Variants in NRIP2 observed in about 807,000 individuals in gnomAD.
NRIP2 encodes the protein nuclear receptor-interacting protein 2.
NRIP2 carries 27 observed loss-of-function variants against 34.1 expected under a neutral mutation model. The ratio of observed to expected loss-of-function variants is 0.79; its 90% CI spans 0.58 to 1.09. NRIP2 has a LOEUF of 1.09. NRIP2 is among the 50% of genes least tolerant of loss of function. The probability of loss-of-function intolerance (pLI) is 0.00; values close to 1 mark genes in which losing one functional copy is unlikely to be tolerated. For missense variants in NRIP2, 385 were observed against 352.6 expected (o/e 1.09, Z -0.74); for synonymous variants, 145 against 146.9 (o/e 0.99, Z 0.09).
At chr12:2,833,996 C>T (rs922493559) in intron 1 of NRIP2, among the ~76,000 whole-genome samples, 6 of 152,182 alleles carry the variant, frequency 3.9e-5, no homozygotes, top group African/African-American at 7.2e-5. Flanking sequence ...TGCAGTTTTC[C>T]GCCGCCCACT....
chr12:2,833,781 T>G (rs1310438574), intron 1 of NRIP2, among the ~76,000 whole-genome samples: 1 of 152,216 alleles, frequency 6.6e-6, no homozygotes, highest in African/African-American at 2.4e-5. Context: ...CTGTTCTAAG[T>G]GCTTTAAATA....
chr12:2,830,903 C>T (rs1172229556), intron 1 of NRIP2, 43 bp from the exon 2 acceptor site: 3 of 1,589,574 alleles, frequency 1.9e-6, no homozygotes, highest in Non-Finnish European at 2.6e-6. Flanking sequence ...GTTCTAAACC[C>T]AGGCATCCAG....
chr12:2,827,293 TGCA>T lies in NRIP2; in HGVS notation c.757_759del (p.Cys253del). ...CGCAGCACTCCGTGCTCCAGGTCGATGCAGCACTGCGGGGTGTAGAGCAGTCAT... is the reference window on the plus strand; with the variant it reads ...CGCAGCACTCCGTGCTCCAGGTCGATGCACTGCGGGGTGTAGAGCAGTCAT... On this transcript the variant is annotated inframe_deletion, in exon 6 of 6. Coordinates refer to ENST00000337508, the MANE Select transcript of NRIP2 (RefSeq NM_031474.3). The surrounding 1 kb of genome is among the most constrained non-coding windows in gnomAD (Gnocchi z 4.0). 1 of 1,613,696 alleles carries T rather than the reference TGCA, an allele frequency of 6.2e-7. No homozygotes were observed. Among genetic ancestry groups the T allele is most frequent in the Non-Finnish European group, 8.5e-7 (1 of 1,179,888 alleles).
At chr12:2,830,112 T>C (rs1327810534) in intron 2 of NRIP2, 2 of 151,846 alleles carry the variant, frequency 1.3e-5, no homozygotes, top group African/African-American at 4.8e-5. Context: ...AGGACGTGAG[T>C]AACATGCCTT....
chr12:2,830,544 G>T (rs1238675906), intron 2 of NRIP2, 164 bp downstream of exon 2: 17 of 650,062 alleles, frequency 2.6e-5, no homozygotes, highest in Non-Finnish European at 4.4e-5. Flanking sequence ...ATGGCTTGGG[G>T]CAGGGAGGAA....
Position 2,827,302 on chromosome 12 carries a change from G to A in NRIP2, c.754-3C>T, listed in dbSNP as rs1274303540. 6.2e-7 allele frequency: 1 copy of A among 1,612,968 alleles called. No individual in the cohort carries two copies. Among genetic ancestry groups the A allele is most frequent in the Non-Finnish European group, 8.5e-7 (1 of 1,179,668 alleles). The stretch of plus-strand genomic sequence containing the variant: ...CCGTGCTCCAGGTCGATGCAGCACT[G>A]CGGGGTGTAGAGCAGTCATGCCAGG... On this transcript the variant is annotated splice_polypyrimidine_tract_variant and splice_region_variant and intron_variant, in intron 5 of 5. Transcript: ENST00000337508. This position sits in a 1 kb window ranked among gnomAD's most constrained non-coding sequence, Gnocchi z 4.0.
chr12:2,834,990 G>C lies in NRIP2; in HGVS notation c.-7C>G. 6.4e-7 allele frequency: 1 copy of C among 1,552,836 alleles called. No individual in the cohort carries two copies. ...GAGGAAAAATAAATAACATGCAGGA[G>C]CAGCCGCGTCAGTCTCCAATTTCCC... On this transcript the variant is annotated 5_prime_UTR_variant, in exon 1 of 6. Coordinates refer to ENST00000337508, the MANE Select transcript of NRIP2 (RefSeq NM_031474.3).
intron 1 of NRIP2, 93 bp downstream of exon 1, chr12:2,834,549 G>A (rs564856085): frequency 6.7e-7 from 1 of 1,494,148 alleles, no homozygotes; most frequent in East Asian, 2.3e-5. Context: ...GAAAGCTGAG[G>A]GTCTGCACTT....
intron 1 of NRIP2, among the ~76,000 whole-genome samples, chr12:2,833,188 G>A (rs1297000599): frequency 2.0e-5 from 3 of 151,988 alleles, no homozygotes; most frequent in African/African-American, 4.8e-5. Context: ...ATTAGAAGGC[G>A]GGACCTGCCA....
In NRIP2 at chr12:2,834,243, C is replaced by A. The variant is rs78560096; in HGVS notation, c.342+399G>T. On this transcript the variant is annotated intron_variant, in intron 1 of 5. Transcript: ENST00000337508. ...GGACAAGTGGATAGACAGACCTGGTCTGGGGAACCTGTGGTTCGGGGGAAG... is the reference window on the plus strand; with the variant it reads ...GGACAAGTGGATAGACAGACCTGGTATGGGGAACCTGTGGTTCGGGGGAAG... Among the ~76,000 whole-genome samples the A allele has an allele frequency of 1.3e-3, 196 of 152,286 alleles. 1 individual carries two copies. In the East Asian group the frequency reaches 0.036, roughly 28 times the overall value.
intron 1 of NRIP2, among the ~76,000 whole-genome samples, chr12:2,833,750 G>T (rs1304131324): frequency 1.3e-5 from 2 of 152,278 alleles, no homozygotes; most frequent in East Asian, 3.9e-4. Flanking sequence ...ATAGCATTTA[G>T]ATAGTGCCTG....
At chr12:2,830,164 T>A (rs537425410) in intron 2 of NRIP2, 1 of 151,954 alleles carries the variant, frequency 6.6e-6, no homozygotes, top group Non-Finnish European at 1.5e-5. Flanking sequence ...ACTGGGGAAA[T>A]CAGAAAAGGT....
chr12:2,833,242 A>G (rs938694935), intron 1 of NRIP2, among the ~76,000 whole-genome samples: 30 of 152,224 alleles, frequency 2.0e-4, no homozygotes, highest in South Asian at 2.1e-4. Context: ...CCTGGGGCCA[A>G]ACACATGTAG....
At chr12:2,831,823 C>A (rs1287199017) in intron 1 of NRIP2, among the ~76,000 whole-genome samples, 3 of 152,018 alleles carry the variant, frequency 2.0e-5, no homozygotes, top group African/African-American at 7.2e-5. Flanking sequence ...ACTCTAATTC[C>A]TTGGCTCAAG....
intron 1 of NRIP2, among the ~76,000 whole-genome samples, chr12:2,832,034 G>A (rs1195928972): frequency 6.6e-6 from 1 of 152,012 alleles, no homozygotes; most frequent in East Asian, 1.9e-4. Context: ...CTTCAGCCTG[G>A]AAGCTAAAAA....
intron 1 of NRIP2, among the ~76,000 whole-genome samples, chr12:2,834,356 C>G (rs2098017700): frequency 6.6e-6 from 1 of 152,174 alleles, no homozygotes; most frequent in Admixed American, 6.5e-5. Flanking sequence ...TTCCTGTAAG[C>G]CCCCACTTCT....
At position 2,827,780 on chromosome 12, in the gene NRIP2, C is replaced by G. The variant is rs2097976071; in HGVS notation, c.701-103G>C. The G allele has an allele frequency of 8.7e-6, 14 of 1,606,412 alleles. No individual in the cohort carries two copies. The highest frequency in any genetic ancestry group is 2.2e-5 in the East Asian group (1 of 44,838). On this transcript the variant is annotated intron_variant, in intron 4 of 5. Coordinates refer to ENST00000337508, the MANE Select transcript of NRIP2 (RefSeq NM_031474.3). This position sits in a 1 kb window ranked among gnomAD's most constrained non-coding sequence, Gnocchi z 4.0. ...TTCTCTGCCCACCCCATCCCCAGAT[C>G]CGAGGACACTGGCACAGAGATGGGG...
At position 2,825,610 on chromosome 12, in the gene NRIP2, G is replaced by T. The variant is rs1234275359; in HGVS notation, c.*1597C>A. The T allele has an allele frequency of 6.5e-6, 1 of 153,104 alleles. No individual in the cohort carries two copies. The highest frequency in any genetic ancestry group is 1.5e-5 in the Non-Finnish European group (1 of 68,642). The allele number at this position is 153,104 out of a possible 1,614,324, so 9.5% of individuals were successfully genotyped here. On this transcript the variant is annotated 3_prime_UTR_variant, in exon 6 of 6. Coordinates refer to ENST00000337508, the MANE Select transcript of NRIP2 (RefSeq NM_031474.3). ...GGGAGGCAGCTGAGAAAGGGCAGGG[G>T]AGGCAGCTGAGAAAGGGCAGGCCAG... is the stretch of plus-strand genomic sequence containing the variant.
At chr12:2,833,375 T>C (rs182086997) in intron 1 of NRIP2, among the ~76,000 whole-genome samples, 346 of 152,140 alleles carry the variant, frequency 2.3e-3, no homozygotes, top group Admixed American at 3.6e-3. Context: ...GTTCCCTGAA[T>C]TAAGTCTCAG....
Sources: gnomAD v4.1 joint callset for allele counts (sites outside exome capture counted in the v4.1 genomes callset) on GRCh38, gnomAD v4.1.1 for gene constraint, Gnocchi (gnomAD v3.1) non-coding constraint, MANE v1.5 for transcripts, NCBI Gene and HGNC (gene_info 2026-07-23, HGNC 2026-07-21) for gene names.